CAMSAP1: variants seen among roughly 807,000 people sequenced by gnomAD.
CAMSAP1 encodes calmodulin regulated spectrin associated protein 1, also known as calmodulin-regulated spectrin-associated protein 1.
Under a neutral mutation model 143.5 loss-of-function variants are expected in CAMSAP1, and 58 were observed. The ratio of observed to expected loss-of-function variants is 0.40; its 90% confidence interval spans 0.33 to 0.50. The LOEUF (loss-of-function observed/expected upper bound fraction) is 0.50. CAMSAP1 is among the 20% of genes least tolerant of loss of function. The probability of loss-of-function intolerance (pLI) is 0.45; values close to 1 mark genes in which losing one functional copy is unlikely to be tolerated. For missense variants in CAMSAP1, 1,969 were observed against 2,115.7 expected, an observed-to-expected ratio of 0.93 and a Z score of 1.36; for synonymous variants, 945 against 859.3, an observed-to-expected ratio of 1.10 and a Z score of -1.74.
chr9:135,878,391 G>T (rs1303216896), intron 3 of CAMSAP1, among the ~76,000 whole-genome samples: 1 of 127,000 alleles, frequency 7.9e-6, no homozygotes, highest in Admixed American at 7.2e-5. Context: ...ACCCAAGGAG[G>T]GATTACCCAG....
rs552505933 is a variant in CAMSAP1, at chr9:135,896,579, G to A, written c.160+10421C>T. 2.0e-5 allele frequency among the ~76,000 whole-genome samples: 3 copies of A among 152,152 alleles called. No homozygotes were observed. The South Asian group carries it at 6.2e-4, about 32-fold the overall frequency. ...GCAGAATACTCATTTTTTTCCAAAT[G>A]CCCATGAAACATTCACTAAAAGAGA... On this transcript the variant is annotated intron_variant, in intron 1 of 16. Coordinates refer to ENST00000389532, the MANE Select transcript of CAMSAP1 (RefSeq NM_015447.4).
chr9:135,848,652 T>A (rs569820864), intron 7 of CAMSAP1, among the ~76,000 whole-genome samples: 5 of 152,348 alleles, frequency 3.3e-5, no homozygotes, highest in African/African-American at 1.2e-4. Context: ...TCCTTGTAGC[T>A]GCTCGTGGCT....
At chr9:135,823,398 A>G in intron 10 of CAMSAP1, 138 bp from the exon 11 acceptor site, 1 of 971,508 alleles carries the variant, frequency 1.0e-6, no homozygotes, top group Non-Finnish European at 1.4e-6. Flanking sequence ...ACTCTTCCAC[A>G]GAGCAGAAGA....
chr9:135,841,014 G>A (rs1472345909), intron 7 of CAMSAP1, among the ~76,000 whole-genome samples: 1 of 152,108 alleles, frequency 6.6e-6, no homozygotes, highest in Non-Finnish European at 1.5e-5. Context: ...TCATTCCCCT[G>A]GAAAGGGTGC....
rs1407234232 is a variant in CAMSAP1 at position 135,820,214 on chromosome 9, TAAACATTGAA to T, written c.3822+615_3822+624del. ...AAGTAACTGTGTATCAAAATCTATCTAAACATTGAAAAACTACCACGAAAACATGGTCTTA... is the reference window on the plus strand; with the variant it reads ...AAGTAACTGTGTATCAAAATCTATCTAAACTACCACGAAAACATGGTCTTA... On this transcript the variant is annotated intron_variant, in intron 11 of 16. Transcript: ENST00000389532. This position sits in a 1 kb window ranked among gnomAD's most constrained non-coding sequence, Gnocchi z 4.4. Among the ~76,000 whole-genome samples, 2 of 152,184 alleles carry T rather than the reference TAAACATTGAA, an allele frequency of 1.3e-5. No individual in the cohort carries two copies. The highest frequency in any genetic ancestry group is 2.9e-5 in the Non-Finnish European group (2 of 68,028).
At chr9:135,839,202 C>G (rs1277565907) in intron 7 of CAMSAP1, among the ~76,000 whole-genome samples, 3 of 152,208 alleles carry the variant, frequency 2.0e-5, no homozygotes, top group Non-Finnish European at 4.4e-5. Flanking sequence ...TCTTCTCTCC[C>G]TGCCTCCCTG....
At position 135,890,332 on chromosome 9, in the gene CAMSAP1, G is replaced by A. The variant is rs117951966; in HGVS notation, c.161-7254C>T. 8.1e-3 allele frequency among the ~76,000 whole-genome samples: 1,229 copies of A among 152,186 alleles called. 3 individuals are homozygous for A. Among genetic ancestry groups the A allele is most frequent in the Non-Finnish European group, 0.013 (911 of 68,000 alleles). ...TCCACACACACAATTCACACCTGCG[G>A]GAGGCTCTGGCCGGCCAACTGGGTG... On this transcript the variant is annotated intron_variant, in intron 1 of 16. Coordinates refer to ENST00000389532, the MANE Select transcript of CAMSAP1 (RefSeq NM_015447.4).
rs144214856 is a variant in CAMSAP1, at chr9:135,822,990, C to G, written c.1671G>C (p.Pro557=). 2 of 1,613,986 alleles carry G rather than the reference C, an allele frequency of 1.2e-6. No homozygotes were observed. Among genetic ancestry groups the G allele is most frequent in the Non-Finnish European group, 1.7e-6 (2 of 1,179,890 alleles). The stretch of plus-strand genomic sequence containing the variant: ...CCCGGGGTGAGGCCCTGGGGAACTC[C>G]GGGTCAGCCTGCTGGGGAACCACGT... ...RADVVPQQAD[P]EFPRASPRAL... Residue 557 remains proline, a synonymous_variant, in exon 11 of 17, where the codon CCG becomes CCC. Transcript: ENST00000389532. The surrounding 1 kb of genome is among the most constrained non-coding windows in gnomAD (Gnocchi z 6.1).
chr9:135,834,920 A>C (rs1488678026), intron 7 of CAMSAP1, among the ~76,000 whole-genome samples: 3 of 152,106 alleles, frequency 2.0e-5, no homozygotes, highest in Admixed American at 6.5e-5. Flanking sequence ...CCTCGCGGTC[A>C]CCAGGCCTAT....
chr9:135,870,120 T>G (rs1160594076), intron 3 of CAMSAP1, among the ~76,000 whole-genome samples: 1 of 152,204 alleles, frequency 6.6e-6, no homozygotes, highest in African/African-American at 2.4e-5. Context: ...GCTGATATGG[T>G]TTGGCTCTGT....
intron 4 of CAMSAP1, among the ~76,000 whole-genome samples, chr9:135,864,405 C>A (rs138675671): frequency 7.9e-5 from 12 of 152,324 alleles, no homozygotes; most frequent in Middle Eastern, 3.4e-3. Flanking sequence ...GCAGAATCTA[C>A]CGCTGCTCAA....
chr9:135,887,429 G>A (rs913723862), intron 1 of CAMSAP1, among the ~76,000 whole-genome samples: 2 of 152,220 alleles, frequency 1.3e-5, no homozygotes, highest in East Asian at 1.9e-4. Context: ...AGAACAGCGG[G>A]AACTGTGCCT....
Position 135,821,363 on chromosome 9 carries a change from G to A in CAMSAP1, c.3298C>T (p.Arg1100Cys), listed in dbSNP as rs758281299. The A allele has an allele frequency of 6.8e-6, 11 of 1,613,746 alleles. No homozygotes were observed. The East Asian group carries it at 8.9e-5, about 13-fold the overall frequency. The change falls in exon 11 of 17, where the codon CGT becomes TGT. Residue 1100 changes from arginine to cysteine, a missense_variant. Arg to Cys is a radical substitution (Grantham distance 180, BLOSUM62 -3). Coordinates refer to ENST00000389532, the MANE Select transcript of CAMSAP1 (RefSeq NM_015447.4). This position sits in a 1 kb window ranked among gnomAD's most constrained non-coding sequence, Gnocchi z 4.6. ...APRLGQGRNS[R>C]SGRPAELKVP... Reference sequence around the variant, plus strand: ...TTCAGCTCCGCCGGCCTTCCGGAACGGGAATTCCGGCCTTGACCCAGCCGG... The same window carrying A: ...TTCAGCTCCGCCGGCCTTCCGGAACAGGAATTCCGGCCTTGACCCAGCCGG...
chr9:135,810,032 T>C lies in CAMSAP1; in HGVS notation c.*1277A>G, dbSNP rs1175857591. On this transcript the variant is annotated 3_prime_UTR_variant, in exon 17 of 17. Coordinates refer to ENST00000389532, the MANE Select transcript of CAMSAP1 (RefSeq NM_015447.4). ...TTCAAGTAACACTCCCAAGAAAATATGTGCAAAACTAATGTTAGTGGCTCC... is the reference window on the plus strand; with the variant it reads ...TTCAAGTAACACTCCCAAGAAAATACGTGCAAAACTAATGTTAGTGGCTCC... 1 of 152,656 alleles carries C rather than the reference T, an allele frequency of 6.6e-6. No homozygotes were observed. The highest frequency in any genetic ancestry group is 1.9e-4 in the East Asian group (1 of 5,194). 9.5% of individuals were successfully genotyped at this position (152,656 alleles called of 1,614,324 possible).
chr9:135,884,930 G>A lies in CAMSAP1; in HGVS notation c.161-1852C>T, dbSNP rs567131375. Reference sequence around the variant, plus strand: ...CCCATGGGCCGTGGAGGGAAGTCAGGGGAGGGCACTGAGCAAGGGATCCCA... The same window carrying A: ...CCCATGGGCCGTGGAGGGAAGTCAGAGGAGGGCACTGAGCAAGGGATCCCA... On this transcript the variant is annotated intron_variant, in intron 1 of 16. Transcript: ENST00000389532. 1.8e-3 allele frequency among the ~76,000 whole-genome samples: 279 copies of A among 152,308 alleles called. 1 individual carries two copies. Among genetic ancestry groups the A allele is most frequent in the Non-Finnish European group, 3.1e-3 (211 of 68,022 alleles).
At chr9:135,866,677 G>A (rs1178376186) in intron 3 of CAMSAP1, 141 bp from the exon 4 acceptor site, 12 of 586,966 alleles carry the variant, frequency 2.0e-5, no homozygotes, top group Non-Finnish European at 3.1e-5. Context: ...CAATTACACA[G>A]ATACAGAAGT....
chr9:135,868,024 AAC>A (rs1837439186), intron 3 of CAMSAP1, among the ~76,000 whole-genome samples: 1 of 152,246 alleles, frequency 6.6e-6, no homozygotes. Context: ...CCAGCAGCAT[AAC>A]AGAATGGAGC....
intron 1 of CAMSAP1, among the ~76,000 whole-genome samples, chr9:135,894,895 G>C (rs1050162171): frequency 2.0e-5 from 3 of 152,166 alleles, no homozygotes; most frequent in African/African-American, 7.2e-5. Context: ...AAATTCTCCT[G>C]AAACAAAATT....
At chr9:135,893,483 T>G (rs1838353062) in intron 1 of CAMSAP1, among the ~76,000 whole-genome samples, 1 of 151,658 alleles carries the variant, frequency 6.6e-6, no homozygotes, top group Admixed American at 6.6e-5. Context: ...GTAACTAAAT[T>G]TAACTTTATA....
Sources: allele counts gnomAD v4.1 joint callset (sites outside exome capture counted in the v4.1 genomes callset), GRCh38; gene constraint gnomAD v4.1.1; non-coding constraint Gnocchi (gnomAD v3.1); transcripts MANE v1.5; gene names NCBI Gene and HGNC (gene_info 2026-07-23, HGNC 2026-07-21).